Variants in RRBP1 observed in about 807,000 individuals in gnomAD.
The protein encoded by RRBP1 is ribosome-binding protein 1.
A neutral mutation model predicts 165.2 loss-of-function variants in RRBP1; 94 were observed. The observed-to-expected ratio is 0.57, with a 90% CI of 0.48 to 0.68. RRBP1 has a LOEUF of 0.68. RRBP1 is among the 30% of genes least tolerant of loss of function. The pLI is 0.00. For missense variants in RRBP1, 1,676 were observed against 1,763.0 expected (o/e 0.95, Z 0.88); for synonymous variants, 680 against 714.5 (o/e 0.95, Z 0.77).
rs1034111203 is a variant in RRBP1, at chr20:17,625,992, G to A, written c.2964-390C>T. On this transcript the variant is annotated intron_variant, in intron 11 of 24. Coordinates refer to ENST00000377813, the MANE Select transcript of RRBP1 (RefSeq NM_001365613.2). ...CCCAAGAGCGTCCCCAAAAGAATGA[G>A]ACTCCGAGGAAGAGGTGTCAGCAGG... 2.6e-5 allele frequency among the ~76,000 whole-genome samples: 4 copies of A among 152,118 alleles called. No individual in the cohort carries two copies. In the South Asian group the frequency reaches 6.2e-4, roughly 24 times the overall value.
Position 17,659,114 on chromosome 20 carries a change from G to A in RRBP1, c.1394C>T (p.Ala465Val). Residue 465 changes from alanine to valine, a missense_variant, in exon 3 of 25, where the codon GCT (alanine) becomes GTT (valine). Coordinates refer to ENST00000377813, the MANE Select transcript of RRBP1 (RefSeq NM_001365613.2). Reference protein sequence around the residue: ...AQNQGKKAEGAQNQGKKVEGA... With the variant: ...AQNQGKKAEGVQNQGKKVEGA... Reference sequence around the variant, plus strand: ...TTCTACTTTTTTGCCCTGGTTCTGAGCACCCTCGGCCTTCTTGCCCTGGTT... The same window carrying A: ...TTCTACTTTTTTGCCCTGGTTCTGAACACCCTCGGCCTTCTTGCCCTGGTT... 1 of 1,541,944 alleles carries A rather than the reference G, an allele frequency of 6.5e-7. No homozygotes were observed. Among genetic ancestry groups the A allele is most frequent in the Non-Finnish European group, 8.8e-7 (1 of 1,142,786 alleles).
chr20:17,674,426 C>T (rs1040467099), intron 2 of RRBP1, among the ~76,000 whole-genome samples: 6 of 151,912 alleles, frequency 3.9e-5, no homozygotes, highest in African/African-American at 1.5e-4. Context: ...CTTCCTAGCA[C>T]GATGAGGACT....
intron 17 of RRBP1, 150 bp from the exon 18 acceptor site, chr20:17,620,520 C>T: frequency 2.4e-6 from 2 of 842,444 alleles, no homozygotes; most frequent in Non-Finnish European, 2.0e-6. Flanking sequence ...CTGGCGCCAT[C>T]TGGCAGTGTC....
At chr20:17,633,825 G>A (rs1452473530) in intron 7 of RRBP1, among the ~76,000 whole-genome samples, 1 of 152,250 alleles carries the variant, frequency 6.6e-6, no homozygotes, top group African/African-American at 2.4e-5. Flanking sequence ...GCATGAACCA[G>A]AGACAGCATA....
In RRBP1 at chr20:17,643,041, C is replaced by A; in HGVS notation, c.1999G>T (p.Ala667Ser). Reference protein sequence around the residue: ...VGSMVFNEGEAQRLIEILSEK... With the variant: ...VGSMVFNEGESQRLIEILSEK... The stretch of plus-strand genomic sequence containing the variant: ...GACAGGATCTCGATGAGCCGCTGGG[C>A]CTCGCCCTCGTTGAACACCATGCTC... Residue 667 changes from alanine to serine, a missense_variant, in exon 4 of 25, where the codon GCC (alanine) becomes TCC (serine). Transcript: ENST00000377813. This position sits in a 1 kb window ranked among gnomAD's most constrained non-coding sequence, Gnocchi z 4.3. 1.2e-6 allele frequency: 2 copies of A among 1,614,120 alleles called. No individual in the cohort carries two copies. The highest frequency in any genetic ancestry group is 1.7e-6 in the Non-Finnish European group (2 of 1,180,024).
chr20:17,621,624 G>C, intron 15 of RRBP1, 66 bp downstream of exon 15: 2 of 1,592,050 alleles, frequency 1.3e-6, no homozygotes, highest in Non-Finnish European at 1.7e-6. Flanking sequence ...AAATGACTTG[G>C]GGCAGCCCCT....
intron 1 of RRBP1, among the ~76,000 whole-genome samples, chr20:17,681,282 A>G (rs1208257943): frequency 6.7e-6 from 1 of 148,202 alleles, no homozygotes; most frequent in Non-Finnish European, 1.5e-5. Context: ...AGCCGGGGAA[A>G]CGGTGGCCCC....
intron 5 of RRBP1, among the ~76,000 whole-genome samples, chr20:17,640,380 A>G (rs1162939597): frequency 6.6e-6 from 1 of 152,226 alleles, no homozygotes; most frequent in South Asian, 2.1e-4. Context: ...GGAGTCACGA[A>G]AGGGCACAGA....
At chr20:17,618,075 C>A (rs1163770035) in intron 20 of RRBP1, among the ~76,000 whole-genome samples, 1 of 152,232 alleles carries the variant, frequency 6.6e-6, no homozygotes, top group Non-Finnish European at 1.5e-5. Context: ...CTGCACCCGG[C>A]AGCTGGTATG....
rs377342188 is a variant in RRBP1 at position 17,633,452 on chromosome 20, C to G, written c.2610+8G>C. 4 of 1,611,820 alleles carry G rather than the reference C, an allele frequency of 2.5e-6. No homozygotes were observed. The highest frequency in any genetic ancestry group is 3.4e-6 in the Non-Finnish European group (4 of 1,179,104). ...CAGGGCACTGAGGCGGCCACTGCCCCGACTCACCTGCAGCTGCAGGACCTG... is the reference window on the plus strand; with the variant it reads ...CAGGGCACTGAGGCGGCCACTGCCCGGACTCACCTGCAGCTGCAGGACCTG... On this transcript the variant is annotated splice_region_variant and intron_variant, in intron 8 of 24. Coordinates refer to ENST00000377813, the MANE Select transcript of RRBP1 (RefSeq NM_001365613.2).
intron 17 of RRBP1, 76 bp downstream of exon 17, chr20:17,620,639 C>G (rs760864639): frequency 2.1e-5 from 24 of 1,139,048 alleles, no homozygotes; most frequent in Non-Finnish European, 3.1e-5. Context: ...TCACAGGTGA[C>G]AGAGACAATC....
intron 7 of RRBP1, among the ~76,000 whole-genome samples, chr20:17,635,341 C>G (rs550222344): frequency 2.6e-5 from 4 of 152,338 alleles, no homozygotes; most frequent in Non-Finnish European, 5.9e-5. Flanking sequence ...CGAGGCCCAC[C>G]ACCAGCCACC....
At chr20:17,672,112 C>T (rs771815292) in intron 2 of RRBP1, among the ~76,000 whole-genome samples, 2 of 152,174 alleles carry the variant, frequency 1.3e-5, no homozygotes, top group African/African-American at 2.4e-5. Flanking sequence ...AGGAATATCC[C>T]GACACTGCCA....
chr20:17,673,176 A>T (rs1219566378), intron 2 of RRBP1, among the ~76,000 whole-genome samples: 1 of 152,252 alleles, frequency 6.6e-6, no homozygotes, highest in African/African-American at 2.4e-5. Context: ...CGCGCCCCAC[A>T]GATCCTGGAG....
intron 5 of RRBP1, among the ~76,000 whole-genome samples, chr20:17,636,985 T>C (rs1379886360): frequency 6.6e-6 from 1 of 152,214 alleles, no homozygotes; most frequent in African/African-American, 2.4e-5. Flanking sequence ...AGGTGGCAGA[T>C]GCGGCAGGAA....
At chr20:17,641,552 C>T (rs1210745052) in intron 5 of RRBP1, 2 of 572,804 alleles carry the variant, frequency 3.5e-6, no homozygotes, top group African/African-American at 1.9e-5. Flanking sequence ...GCTTCACTTC[C>T]CTGCGTTCTT....
intron 9 of RRBP1, 61 bp downstream of exon 9, chr20:17,629,762 G>C (rs886632766): frequency 2.9e-5 from 45 of 1,527,526 alleles, no homozygotes; most frequent in Non-Finnish European, 3.7e-5. Flanking sequence ...AGTGGGGCTG[G>C]GCCGGCATGC....
intron 3 of RRBP1, among the ~76,000 whole-genome samples, chr20:17,656,188 G>T (rs990015083): frequency 1.3e-5 from 2 of 152,244 alleles, no homozygotes; most frequent in African/African-American, 4.8e-5. Flanking sequence ...GTCCAAGAAA[G>T]AACTTTCCCC....
chr20:17,635,705 T>C (rs2036235231), intron 6 of RRBP1, 41 bp from the exon 7 acceptor site: 1 of 1,485,390 alleles, frequency 6.7e-7, no homozygotes. Context: ...CAGCTCGGCC[T>C]CACACACAGA....
Sources: gnomAD v4.1 joint callset for allele counts (sites outside exome capture counted in the v4.1 genomes callset) on GRCh38, gnomAD v4.1.1 for gene constraint, Gnocchi (gnomAD v3.1) non-coding constraint, MANE v1.5 for transcripts, NCBI Gene and HGNC (gene_info 2026-07-23, HGNC 2026-07-21) for gene names.